RBFOX1: variants seen among roughly 807,000 people sequenced by gnomAD.
RBFOX1 encodes the protein RNA binding protein fox-1 homolog 1.
A neutral mutation model predicts 57.7 loss-of-function variants in RBFOX1; 8 were observed. The observed-to-expected ratio is 0.14, with a 90% CI of 0.08 to 0.25. RBFOX1 has a LOEUF of 0.25. RBFOX1 is among the 10% of genes least tolerant of loss of function. The pLI is 1.00. For missense variants in RBFOX1, 611 were observed against 548.5 expected, an observed-to-expected ratio of 1.11 and a Z score of -1.14; for synonymous variants, 326 against 222.4, an observed-to-expected ratio of 1.47 and a Z score of -4.15.
chr16:6,281,132 C>A lies in RBFOX1; in HGVS notation c.-126-35863C>A, dbSNP rs111774595. Among the ~76,000 whole-genome samples, 807 of 152,026 alleles carry A rather than the reference C, an allele frequency of 5.3e-3. 8 individuals are homozygous for A. The highest frequency in any genetic ancestry group is 0.018 in the African/African-American group (743 of 41,428). ...AGAGCAGTGGAGAGCATTGGGCTAA[C>A]ATGTATTGAGCAGATGGTGGGGGAT... On this transcript the variant is annotated intron_variant, in intron 1 of 15. Coordinates refer to ENST00000550418, the MANE Select transcript of RBFOX1 (RefSeq NM_018723.4).
At chr16:6,710,216 C>T (rs560310845) in intron 3 of RBFOX1, among the ~76,000 whole-genome samples, 44 of 152,262 alleles carry the variant, frequency 2.9e-4, no homozygotes, top group African/African-American at 1.0e-3. Flanking sequence ...ATGTTTGTCA[C>T]TTATTTTCCT....
At chr16:6,155,487 C>A (rs2096832050) in intron 1 of RBFOX1, among the ~76,000 whole-genome samples, 1 of 152,214 alleles carries the variant, frequency 6.6e-6, no homozygotes, top group Admixed American at 6.5e-5. Context: ...TCATGTAAAG[C>A]ACTTCAAGGA....
At chr16:6,847,947 A>G (rs1482704943) in intron 3 of RBFOX1, among the ~76,000 whole-genome samples, 1 of 152,020 alleles carries the variant, frequency 6.6e-6, no homozygotes, top group Non-Finnish European at 1.5e-5. Context: ...ATCCTGCCTC[A>G]GCCTCCCAAA....
chr16:7,357,842 GC>G (rs1281391755), intron 4 of RBFOX1, among the ~76,000 whole-genome samples: 1 of 151,982 alleles, frequency 6.6e-6, no homozygotes, highest in Non-Finnish European at 1.5e-5. Flanking sequence ...CTCCTCTAAG[GC>G]TTCTTTTCCA....
chr16:7,631,368 C>T (rs1418593400), intron 11 of RBFOX1, among the ~76,000 whole-genome samples: 1 of 152,156 alleles, frequency 6.6e-6, no homozygotes, highest in African/African-American at 2.4e-5. Context: ...CATGGAAGAA[C>T]CGAAGATTTC....
At chr16:7,151,718 G>C (rs1003194574) in intron 4 of RBFOX1, among the ~76,000 whole-genome samples, 2 of 152,066 alleles carry the variant, frequency 1.3e-5, no homozygotes, top group African/African-American at 4.8e-5. Context: ...TGTAGAATCA[G>C]TGGGAAGCCT....
chr16:6,878,009 G>A (rs2062158361), intron 3 of RBFOX1, among the ~76,000 whole-genome samples: 2 of 152,094 alleles, frequency 1.3e-5, no homozygotes, highest in Non-Finnish European at 2.9e-5. Context: ...CATATAGGAG[G>A]AATTTAAGGA....
At chr16:5,495,693 G>A (rs2042979900) in intron 2 of RBFOX1, among the ~76,000 whole-genome samples, 1 of 152,302 alleles carries the variant, frequency 6.6e-6, no homozygotes, top group South Asian at 2.1e-4. Flanking sequence ...CGTTAACATC[G>A]TAAACCACAC....
intron 11 of RBFOX1, among the ~76,000 whole-genome samples, chr16:7,653,256 T>C (rs2065480395): frequency 6.6e-6 from 1 of 152,140 alleles, no homozygotes; most frequent in Admixed American, 6.6e-5. Flanking sequence ...ATCTCAGCAC[T>C]TTGGGAGGTG....
intron 4 of RBFOX1, among the ~76,000 whole-genome samples, chr16:6,009,127 G>C (rs1190154806): frequency 2.9e-5 from 4 of 139,620 alleles, no homozygotes; most frequent in Admixed American, 1.5e-4. Flanking sequence ...TCTCCATCTT[G>C]TCCATTGTAA....
intron 2 of RBFOX1, among the ~76,000 whole-genome samples, chr16:6,344,111 C>G (rs149312248): frequency 7.9e-5 from 12 of 152,178 alleles, no homozygotes; most frequent in African/African-American, 2.7e-4. Flanking sequence ...GGATCAATGT[C>G]TAGGAGAGGC....
chr16:6,744,932 C>G (rs117836625), intron 3 of RBFOX1, among the ~76,000 whole-genome samples: 11 of 152,040 alleles, frequency 7.2e-5, no homozygotes, highest in East Asian at 5.8e-4. Context: ...AATCAATACA[C>G]TTTTAGCCAG....
At chr16:7,163,415 A>T (rs2078796917) in intron 4 of RBFOX1, among the ~76,000 whole-genome samples, 2 of 152,116 alleles carry the variant, frequency 1.3e-5, no homozygotes, top group Non-Finnish European at 2.9e-5. Context: ...AATGTGTATG[A>T]AGCGGCTGGT....
chr16:5,573,349 G>C (rs190442859), intron 2 of RBFOX1, among the ~76,000 whole-genome samples: 1 of 152,294 alleles, frequency 6.6e-6, no homozygotes, highest in Admixed American at 6.5e-5. Context: ...TCACTGCTTT[G>C]ACCTGAGCTG....
intron 2 of RBFOX1, among the ~76,000 whole-genome samples, chr16:5,507,123 G>C (rs8060580): frequency 0.012 from 1,795 of 152,224 alleles, 41 homozygotes; most frequent in African/African-American, 0.041. Flanking sequence ...AAGTGAGGTT[G>C]ATAAGTAGCT....
intron 2 of RBFOX1, among the ~76,000 whole-genome samples, chr16:6,381,131 A>G (rs1260275729): frequency 6.6e-6 from 1 of 152,178 alleles, no homozygotes; most frequent in African/African-American, 2.4e-5. Context: ...AATTTGTCTG[A>G]GAGCTGGAGA....
chr16:7,000,086 AAAG>A (rs1428736623), intron 3 of RBFOX1, among the ~76,000 whole-genome samples: 2 of 151,586 alleles, frequency 1.3e-5, no homozygotes, highest in Non-Finnish European at 2.9e-5. Flanking sequence ...AAAAAAAAAA[AAAG>A]ATTATTTAAG....
chr16:5,256,899 A>G (rs572408893), intron 1 of RBFOX1, among the ~76,000 whole-genome samples: 107 of 151,742 alleles, frequency 7.1e-4, no homozygotes, highest in African/African-American at 2.4e-3. Flanking sequence ...GCGCCACTGC[A>G]CTCCAGCCTG....
At chr16:6,611,261 C>A (rs771761922) in intron 2 of RBFOX1, among the ~76,000 whole-genome samples, 1 of 152,172 alleles carries the variant, frequency 6.6e-6, no homozygotes. Context: ...ATTCTCCTGC[C>A]TCAGCCTCCC....
Sources: allele counts gnomAD v4.1 joint callset (sites outside exome capture counted in the v4.1 genomes callset), GRCh38; gene constraint gnomAD v4.1.1; transcripts MANE v1.5; gene names NCBI Gene and HGNC (gene_info 2026-07-23, HGNC 2026-07-21).